Variants in TJP1 observed in about 807,000 individuals in gnomAD.
TJP1 encodes the protein tight junction protein 1, also known as tight junction protein ZO-1.
In TJP1, 43 loss-of-function variants were observed where a neutral mutation model predicts 194.2. The observed-to-expected ratio is 0.22, with a 90% confidence interval of 0.17 to 0.29. The LOEUF (loss-of-function observed/expected upper bound fraction) is 0.29, where lower values mean the gene tolerates loss of function less well. TJP1 is among the 10% of genes least tolerant of loss of function. The pLI, the probability that TJP1 is intolerant of heterozygous loss-of-function variation, is 1.00. For synonymous variants in TJP1, 801 were observed against 779.0 expected (o/e 1.03, Z -0.47); for missense variants, 1,971 against 2,185.7 (o/e 0.90, Z 1.96).
chr15:29,826,474 C>T (rs77049782), upstream of TJP1, among the ~76,000 whole-genome samples: 602 of 152,224 alleles, frequency 4.0e-3, 15 homozygotes, highest in East Asian at 0.075. Flanking sequence ...CCAGCCCAGG[C>T]AAAACATCTC....
chr15:29,784,246 C>T (rs1452071936), intron 2 of TJP1, among the ~76,000 whole-genome samples: 1 of 151,870 alleles, frequency 6.6e-6, no homozygotes, highest in Non-Finnish European at 1.5e-5. Flanking sequence ...AGGACTAATA[C>T]CAAAAATATA....
chr15:29,835,413 G>A (rs2050992678), intron 2 of TJP1, among the ~76,000 whole-genome samples: 1 of 152,072 alleles, frequency 6.6e-6, no homozygotes, highest in Non-Finnish European at 1.5e-5. Context: ...GTTTTCAAAG[G>A]GTGGGGCTTC....
At chr15:29,881,071 C>G (rs2052910414) in intron 2 of TJP1, among the ~76,000 whole-genome samples, 2 of 152,266 alleles carry the variant, frequency 1.3e-5, no homozygotes, top group Non-Finnish European at 2.9e-5. Flanking sequence ...AATGCAAGGG[C>G]TCCCTTTTCT....
At chr15:29,823,126 A>G (rs188731895), upstream of TJP1, 7 of 152,234 alleles carry the variant, frequency 4.6e-5, no homozygotes, top group African/African-American at 1.7e-4. Flanking sequence ...ACCTCAAGAT[A>G]TATCCAAAGT....
chr15:29,775,566 T>C lies in TJP1; in HGVS notation c.85-2209A>G, dbSNP rs1225114810. Among the ~76,000 whole-genome samples, 17 of 152,186 alleles carry C rather than the reference T, an allele frequency of 1.1e-4. No homozygotes were observed. The South Asian group carries it at 2.7e-3, about 24-fold the overall frequency. On this transcript the variant is annotated intron_variant, in intron 2 of 27. Coordinates refer to ENST00000614355, the MANE Select transcript of TJP1 (RefSeq NM_001330239.4). ...AACAGCAAAACTGGGTTTGATACTA[T>C]CCAAGAATTCAGGCATCCACTGGGG...
intron 1 of TJP1, chr15:29,956,481 C>T: frequency 1.0e-6 from 1 of 985,280 alleles, no homozygotes; most frequent in Non-Finnish European, 1.3e-6. Flanking sequence ...CTTTTTCCAG[C>T]CAAAAAGCTA....
At chr15:29,878,800 T>C (rs999935346) in intron 2 of TJP1, among the ~76,000 whole-genome samples, 2 of 151,870 alleles carry the variant, frequency 1.3e-5, no homozygotes, top group East Asian at 3.9e-4. Flanking sequence ...CTGGGATGAG[T>C]ATGGGAGAAA....
In TJP1 at chr15:29,732,802, C is replaced by T. The variant is rs2043753937; in HGVS notation, c.1750G>A (p.Ala584Thr). Reference protein sequence around the residue: ...IPNKNRAEQLASVQYTLPKTA... With the variant: ...IPNKNRAEQLTSVQYTLPKTA... ...TTTGGAAGTGTATACTGTACACTGG[C>T]TAGCTGCTCAGCTCTACACAAGAAA... The change falls in exon 14 of 28, where the codon GCC becomes ACC. Residue 584 changes from alanine to threonine, a missense_variant. Physicochemically the swap from Ala to Thr is moderately conservative, Grantham distance 58 (BLOSUM62 0). Coordinates refer to ENST00000614355, the MANE Select transcript of TJP1 (RefSeq NM_001330239.4). 7.5e-6 allele frequency: 12 copies of T among 1,592,782 alleles called. No individual in the cohort carries two copies. The highest frequency in any genetic ancestry group is 1.0e-5 in the Non-Finnish European group (12 of 1,172,312).
At chr15:29,911,160 T>G (rs939511625) in intron 2 of TJP1, among the ~76,000 whole-genome samples, 3 of 152,200 alleles carry the variant, frequency 2.0e-5, no homozygotes, top group Non-Finnish European at 4.4e-5. Flanking sequence ...TGCAGTCATG[T>G]CAGCAGTTGC....
chr15:29,800,613 A>T, intron 2 of TJP1, 33 bp downstream of exon 2: 4 of 1,609,750 alleles, frequency 2.5e-6, no homozygotes, highest in Non-Finnish European at 3.4e-6. Context: ...ATCCTGAGTT[A>T]TACACAGATT....
chr15:29,849,228 A>G (rs993796638), intron 2 of TJP1, among the ~76,000 whole-genome samples: 29 of 152,056 alleles, frequency 1.9e-4, no homozygotes, highest in African/African-American at 6.5e-4. Context: ...TATTTGCCAC[A>G]TTTCATTTTG....
intron 1 of TJP1, among the ~76,000 whole-genome samples, chr15:29,966,637 C>T (rs1234379428): frequency 6.8e-6 from 1 of 147,876 alleles, no homozygotes; most frequent in Non-Finnish European, 1.5e-5. Context: ...GAGAAGCTTT[C>T]TGGTACATTT....
At chr15:29,843,052 T>TA (rs1285732874) in intron 2 of TJP1, among the ~76,000 whole-genome samples, 1 of 152,164 alleles carries the variant, frequency 6.6e-6, no homozygotes, top group East Asian at 1.9e-4. Flanking sequence ...ATAAAACCAC[T>TA]AAAAAATATG....
intron 22 of TJP1, among the ~76,000 whole-genome samples, chr15:29,717,594 G>A (rs959879520): frequency 1.3e-5 from 2 of 152,178 alleles, no homozygotes; most frequent in Non-Finnish European, 2.9e-5. Context: ...ACCTCATTAT[G>A]CTGATGTGCT....
At chr15:29,759,352 A>G (rs1323151254) in intron 8 of TJP1, 5 of 152,324 alleles carry the variant, frequency 3.3e-5, no homozygotes, top group Middle Eastern at 6.8e-3. Flanking sequence ...ACTGAGGTCC[A>G]ATTGACAAAT....
chr15:29,728,176 C>A, intron 15 of TJP1, 157 bp from the exon 16 acceptor site: 2 of 451,436 alleles, frequency 4.4e-6, no homozygotes, highest in Non-Finnish European at 3.9e-6. Flanking sequence ...TTTTAATATG[C>A]ATACTTCCCT....
chr15:29,740,191 G>A (rs534411448), intron 10 of TJP1, among the ~76,000 whole-genome samples: 3 of 151,958 alleles, frequency 2.0e-5, no homozygotes, highest in Admixed American at 6.6e-5. Flanking sequence ...TAGCCAGGAT[G>A]GTCTTGATCT....
At position 29,822,359 on chromosome 15, in the gene TJP1, C is replaced by A; in HGVS notation, c.-331G>T. ...CGCCCGTCAGCAGCACCCGTGGCCT[C>A]CCGGCGTCTCCTCGGAAGCCGGCTT... On this transcript the variant is annotated 5_prime_UTR_variant, in exon 1 of 28. Transcript: ENST00000614355. 9.6e-7 allele frequency: 1 copy of A among 1,042,238 alleles called. No individual in the cohort carries two copies. The highest frequency in any genetic ancestry group is 1.2e-6 in the Non-Finnish European group (1 of 866,634). 64.6% of individuals were successfully genotyped at this position (1,042,238 alleles called of 1,614,324 possible). A position where few individuals can be genotyped will look rare whatever the true frequency, so the allele number is the denominator to read the frequency against.
At chr15:29,949,276 C>CACTGCT in intron 2 of TJP1, among the ~76,000 whole-genome samples, 1 of 108,570 alleles carries the variant, frequency 9.2e-6, no homozygotes, top group Non-Finnish European at 1.8e-5. Flanking sequence ...CCACCTCCAT[C>CACTGCT]ACCTCCACCG....
Sources: allele counts gnomAD v4.1 joint callset (sites outside exome capture counted in the v4.1 genomes callset), GRCh38; gene constraint gnomAD v4.1.1; transcripts MANE v1.5; gene names NCBI Gene and HGNC (gene_info 2026-07-23, HGNC 2026-07-21).